MYO6: variants seen among roughly 807,000 people sequenced by gnomAD.
MYO6 encodes the protein unconventional myosin-VI.
A neutral mutation model predicts 178.7 loss-of-function variants in MYO6; 74 were observed. The observed-to-expected ratio is 0.41, with a 90% confidence interval of 0.34 to 0.50. MYO6 has a LOEUF of 0.50. Among genes scored for constraint, MYO6 ranks in the 20% least tolerant of loss-of-function variants. The pLI is 0.09. For synonymous variants in MYO6, 477 were observed against 504.6 expected (o/e 0.95, Z 0.73); for missense variants, 1,330 against 1,547.4 (o/e 0.86, Z 2.36).
chr6:75,884,416 G>C (rs1778269535), intron 23 of MYO6, among the ~76,000 whole-genome samples: 1 of 152,194 alleles, frequency 6.6e-6, no homozygotes, highest in South Asian at 2.1e-4. Flanking sequence ...GCCTAAGACA[G>C]TTTGGGAGGT....
chr6:75,874,559 G>A (rs1421757422), intron 20 of MYO6, among the ~76,000 whole-genome samples: 20 of 152,174 alleles, frequency 1.3e-4, no homozygotes, highest in Non-Finnish European at 2.9e-4. Flanking sequence ...CCCTCTTGTT[G>A]AGAAAGTAGG....
intron 7 of MYO6, among the ~76,000 whole-genome samples, chr6:75,836,880 G>A: frequency 6.6e-6 from 1 of 152,164 alleles, no homozygotes; most frequent in African/African-American, 2.4e-5. Context: ...ACCGCGCCCA[G>A]CTGGAATAAT....
intron 1 of MYO6, among the ~76,000 whole-genome samples, chr6:75,793,399 G>A (rs568942741): frequency 8.5e-5 from 13 of 152,236 alleles, no homozygotes; most frequent in African/African-American, 2.4e-4. Context: ...GAGGTCAGGA[G>A]TTGAGATCAG....
In MYO6 at chr6:75,862,646, A is replaced by T. The variant is rs529002760; in HGVS notation, c.1597A>T (p.Asn533Tyr). 6.2e-7 allele frequency: 1 copy of T among 1,614,052 alleles called. No individual in the cohort carries two copies. The highest frequency in any genetic ancestry group is 1.1e-5 in the South Asian group (1 of 91,072). Reference protein sequence around the residue: ...VGILDILDEENRLPQPSDQHF... With the variant: ...VGILDILDEEYRLPQPSDQHF... Reference sequence around the variant, plus strand: ...AATACTGGATATTTTGGATGAAGAAAATCGCCTTCCCCAGCCAAGTGATCA... The same window carrying T: ...AATACTGGATATTTTGGATGAAGAATATCGCCTTCCCCAGCCAAGTGATCA... Residue 533 changes from asparagine to tyrosine, a missense_variant, in exon 16 of 35, where the codon AAT (asparagine) becomes TAT (tyrosine). Transcript: ENST00000369977.
intron 18 of MYO6, among the ~76,000 whole-genome samples, chr6:75,870,336 C>T (rs1777042970): frequency 6.6e-6 from 1 of 152,130 alleles, no homozygotes. Flanking sequence ...CATTTACTTC[C>T]TTCATTGCCT....
intron 30 of MYO6, among the ~76,000 whole-genome samples, chr6:75,904,845 C>G (rs537534728): frequency 6.6e-6 from 1 of 152,292 alleles, no homozygotes; most frequent in South Asian, 2.1e-4. Flanking sequence ...TGTTTCTTCC[C>G]CATCTTTGTG....
intron 30 of MYO6, among the ~76,000 whole-genome samples, chr6:75,904,487 A>G (rs1366301407): frequency 8.6e-5 from 13 of 151,702 alleles, no homozygotes; most frequent in Non-Finnish European, 1.8e-4. Context: ...TTCATCTTCC[A>G]TCGCTGATAC....
chr6:75,847,493 A>G (rs1194716271), intron 10 of MYO6, among the ~76,000 whole-genome samples: 1 of 151,176 alleles, frequency 6.6e-6, no homozygotes, highest in Non-Finnish European at 1.5e-5. Context: ...TTCTCCTTCT[A>G]GTTTCTGCAG....
At chr6:75,782,956 C>A (rs533770934) in intron 1 of MYO6, among the ~76,000 whole-genome samples, 1 of 150,192 alleles carries the variant, frequency 6.7e-6, no homozygotes, top group Non-Finnish European at 1.5e-5. Context: ...GCTTTGTCAC[C>A]CAGGCTGGAG....
intron 1 of MYO6, among the ~76,000 whole-genome samples, chr6:75,814,204 T>C (rs1267482800): frequency 1.3e-5 from 2 of 151,522 alleles, no homozygotes; most frequent in African/African-American, 2.4e-5. Context: ...CTGTAAATGC[T>C]CTGTTTGTGA....
At chr6:75,868,361 G>C (rs944370085) in intron 18 of MYO6, among the ~76,000 whole-genome samples, 2 of 151,426 alleles carry the variant, frequency 1.3e-5, no homozygotes, top group Non-Finnish European at 3.0e-5. Flanking sequence ...ATAGCAGATT[G>C]GTTTAAAAAT....
intron 10 of MYO6, 41 bp from the exon 11 acceptor site, chr6:75,848,310 T>C: frequency 6.4e-7 from 1 of 1,570,034 alleles, no homozygotes. Flanking sequence ...TGTACTTAAA[T>C]AATGTAACGA....
chr6:75,792,237 A>G (rs1768324560), intron 1 of MYO6, among the ~76,000 whole-genome samples: 1 of 152,210 alleles, frequency 6.6e-6, no homozygotes, highest in Non-Finnish European at 1.5e-5. Context: ...TAAGTTTTAG[A>G]TTAAGATGGA....
At chr6:75,804,755 A>G (rs1448476492) in intron 1 of MYO6, among the ~76,000 whole-genome samples, 1 of 151,806 alleles carries the variant, frequency 6.6e-6, no homozygotes, top group Non-Finnish European at 1.5e-5. Context: ...TCTGTTTGCC[A>G]TATGCTTTCT....
chr6:75,891,168 C>A, intron 26 of MYO6, 60 bp from the exon 27 acceptor site: 1 of 1,153,694 alleles, frequency 8.7e-7, no homozygotes, highest in Non-Finnish European at 1.3e-6. Context: ...AGTTAAATTG[C>A]CTTCTGAAGG....
chr6:75,815,935 A>G (rs1303007644), intron 1 of MYO6, among the ~76,000 whole-genome samples: 1 of 152,220 alleles, frequency 6.6e-6, no homozygotes. Context: ...CCATTGTTAC[A>G]TTTTAGTCTC....
chr6:75,755,677 G>T (rs571414096), intron 1 of MYO6, among the ~76,000 whole-genome samples: 14 of 152,300 alleles, frequency 9.2e-5, no homozygotes, highest in Non-Finnish European at 1.9e-4. Context: ...AACTGTCTTT[G>T]TAAAGACTCA....
chr6:75,876,512 T>C (rs1006262773), intron 20 of MYO6, among the ~76,000 whole-genome samples: 25 of 152,252 alleles, frequency 1.6e-4, no homozygotes, highest in Non-Finnish European at 1.5e-5. Flanking sequence ...TTTTGTAATA[T>C]TCAAGTCCAT....
intron 1 of MYO6, among the ~76,000 whole-genome samples, chr6:75,764,333 C>T (rs760441105): frequency 9.9e-5 from 15 of 152,190 alleles, no homozygotes; most frequent in Admixed American, 2.0e-4. Context: ...CTTCCCCAAA[C>T]GTGTCCCCAT....
Sources: gnomAD v4.1 joint callset for allele counts (sites outside exome capture counted in the v4.1 genomes callset) on GRCh38, gnomAD v4.1.1 for gene constraint, MANE v1.5 for transcripts, NCBI Gene and HGNC (gene_info 2026-07-23, HGNC 2026-07-21) for gene names.